Variants in TTLL13 observed in about 807,000 individuals in gnomAD.
TTLL13 encodes the protein tubulin tyrosine ligase like 13.
At chr15:90,255,854 A>G in the TTLL13 span, 1 of 1,614,148 alleles carries the variant, frequency 6.2e-7, no homozygotes, top group Admixed American at 1.7e-5. Context: ...TGAGTACAAC[A>G]TCTTCCCCCG....
At chr15:90,251,705 G>T in the TTLL13 span, 1 of 1,256,654 alleles carries the variant, frequency 8.0e-7, no homozygotes, top group Non-Finnish European at 1.2e-6. Flanking sequence ...GGGGCCTGGC[G>T]GGCTTGCCTC....
At chr15:90,257,053 A>T in the TTLL13 span, 1 of 1,258,264 alleles carries the variant, frequency 7.9e-7, no homozygotes, top group Non-Finnish European at 1.1e-6. Flanking sequence ...AAATTCAATT[A>T]GCTATGTGTG....
chr15:90,251,736 A>C, the TTLL13 span: 1 of 777,506 alleles, frequency 1.3e-6, no homozygotes, highest in Non-Finnish European at 2.2e-6. Context: ...TGAGCTTCCT[A>C]GGTGTCCTCT....
the TTLL13 span, among the ~76,000 whole-genome samples, chr15:90,255,319 G>A: frequency 6.6e-6 from 1 of 152,226 alleles, no homozygotes; most frequent in Non-Finnish European, 1.5e-5. Context: ...CTCAGTGGGT[G>A]CCATGGCATC....
At chr15:90,259,039 T>C in the TTLL13 span, 1 of 1,571,926 alleles carries the variant, frequency 6.4e-7, no homozygotes, top group Non-Finnish European at 8.6e-7. Flanking sequence ...AACAACTTTT[T>C]GCATAGATAA....
At chr15:90,263,610 G>A in the TTLL13 span, 2 of 575,854 alleles carry the variant, frequency 3.5e-6, no homozygotes, top group Non-Finnish European at 6.2e-6. Context: ...TGTTTTTGTT[G>A]AACCCCAAAG....
the TTLL13 span, chr15:90,264,828 C>T: frequency 5.5e-5 from 84 of 1,536,054 alleles, no homozygotes; most frequent in East Asian, 1.9e-3. Context: ...GAAAGAGTGG[C>T]ATCTGACTCA....
the TTLL13 span, among the ~76,000 whole-genome samples, chr15:90,256,547 T>TTCTTTCTTTC: frequency 6.0e-4 from 14 of 23,524 alleles, no homozygotes; most frequent in African/African-American, 3.0e-3. Context: ...TCCTTCCTTT[T>TTCTTTCTTTC]TCTTTCTTTC....
the TTLL13 span, chr15:90,262,674 CA>C: frequency 2.0e-6 from 3 of 1,476,466 alleles, no homozygotes; most frequent in African/African-American, 4.3e-5. Flanking sequence ...AAAGAGGTGC[CA>C]GGGGTTTTGT....
At chr15:90,250,977 A>C in the TTLL13 span, 1 of 1,493,748 alleles carries the variant, frequency 6.7e-7, no homozygotes, top group Non-Finnish European at 9.0e-7. Flanking sequence ...GGGATCTCAG[A>C]TCTTCCCTTT....
the TTLL13 span, among the ~76,000 whole-genome samples, chr15:90,252,502 T>C: frequency 6.6e-6 from 1 of 152,138 alleles, no homozygotes; most frequent in Admixed American, 6.5e-5. Flanking sequence ...TTACCAGAGA[T>C]GAGACAAGCT....
the TTLL13 span, chr15:90,265,108 A>G: frequency 3.2e-6 from 4 of 1,268,036 alleles, no homozygotes; most frequent in Non-Finnish European, 4.2e-6. Flanking sequence ...ATAAGGCAAA[A>G]TACAAAGACA....
the TTLL13 span, chr15:90,253,308 C>T: frequency 6.2e-7 from 1 of 1,613,804 alleles, no homozygotes; most frequent in Non-Finnish European, 8.5e-7. Flanking sequence ...AGAGTGGACT[C>T]TGTACTGGAC....
At chr15:90,260,570 C>T in the TTLL13 span, among the ~76,000 whole-genome samples, 2 of 151,396 alleles carry the variant, frequency 1.3e-5, no homozygotes, top group East Asian at 1.9e-4. Context: ...AGCAAGCAAG[C>T]GGCCAGGTGC....
chr15:90,264,966 A>G, the TTLL13 span: 1 of 1,534,292 alleles, frequency 6.5e-7, no homozygotes, highest in Non-Finnish European at 8.7e-7. Context: ...CAGTTCAGGT[A>G]AAAGCAGGAG....
the TTLL13 span, chr15:90,258,386 T>G: frequency 1.1e-6 from 1 of 896,504 alleles, no homozygotes. Flanking sequence ...GTGAAAGCCC[T>G]GGGGTGGGCA....
chr15:90,250,018 T>G, the TTLL13 span, among the ~76,000 whole-genome samples: 1 of 151,844 alleles, frequency 6.6e-6, no homozygotes, highest in Admixed American at 6.6e-5. Context: ...AGTGCAGTGG[T>G]GTGATCTCGG....
chr15:90,263,411 T>A, the TTLL13 span: 988 of 488,622 alleles, frequency 2.0e-3, 5 homozygotes, highest in African/African-American at 0.017. Flanking sequence ...TATATTCCTG[T>A]CCCAAAATAA....
chr15:90,254,589 T>C, the TTLL13 span, among the ~76,000 whole-genome samples: 1 of 148,768 alleles, frequency 6.7e-6, no homozygotes, highest in Non-Finnish European at 1.5e-5. Context: ...GTGCCTGAAA[T>C]CCCTTTGGGA....
Sources: allele counts gnomAD v4.1 joint callset (sites outside exome capture counted in the v4.1 genomes callset), GRCh38; gene constraint gnomAD v4.1.1; transcripts MANE v1.5; gene names NCBI Gene and HGNC (gene_info 2026-07-23, HGNC 2026-07-21).